PCLAF: variants seen among roughly 807,000 people sequenced by gnomAD.
PCLAF encodes PCNA clamp associated factor, also known as PCNA-associated factor.
A neutral mutation model predicts 15.1 loss-of-function variants in PCLAF; 12 were observed. The observed-to-expected ratio is 0.79, with a 90% CI of 0.51 to 1.29. The LOEUF is 1.29. Ranked by LOEUF, PCLAF falls within the 50% of genes most tolerant of loss-of-function variation. PCLAF has a pLI of 0.00. For missense variants in PCLAF, 116 were observed against 130.9 expected (o/e 0.89, Z 0.56); for synonymous variants, 33 against 47.1 (o/e 0.70, Z 1.22).
chr15:64,385,049 A>C (rs1291610502), upstream of PCLAF, among the ~76,000 whole-genome samples: 2 of 151,730 alleles, frequency 1.3e-5, no homozygotes. Context: ...CACCACACCT[A>C]GCTAATTTTT....
chr15:64,381,611 C>T (rs1269897713), upstream of PCLAF: 31 of 1,224,634 alleles, frequency 2.5e-5, no homozygotes, highest in Admixed American at 8.7e-5. Context: ...TCCATCAACA[C>T]GCAAAGGCCT....
chr15:64,374,925 A>T (rs150964660), intron 3 of PCLAF, among the ~76,000 whole-genome samples: 137 of 151,946 alleles, frequency 9.0e-4, no homozygotes, highest in Non-Finnish European at 1.3e-3. Context: ...AACGGATGAA[A>T]CTCGGAAACT....
intron 2 of PCLAF, among the ~76,000 whole-genome samples, chr15:64,377,385 T>G (rs958826028): frequency 4.1e-5 from 6 of 146,900 alleles, no homozygotes; most frequent in Non-Finnish European, 7.5e-5. Flanking sequence ...GAGAATCACT[T>G]GAACCAGCGA....
chr15:64,368,859 AT>A (rs1899160601), intron 3 of PCLAF, among the ~76,000 whole-genome samples: 1 of 152,162 alleles, frequency 6.6e-6, no homozygotes, highest in South Asian at 2.1e-4. Context: ...TTATAGTCAC[AT>A]TTGGCTATAT....
At chr15:64,381,244 G>A in intron 1 of PCLAF, 82 bp downstream of exon 1, 1 of 1,518,584 alleles carries the variant, frequency 6.6e-7, no homozygotes, top group Non-Finnish European at 9.1e-7. Context: ...CAGGGCCCAG[G>A]GGGACCTCTG....
intron 3 of PCLAF, among the ~76,000 whole-genome samples, chr15:64,371,388 C>A (rs1434477083): frequency 1.3e-5 from 2 of 152,062 alleles, no homozygotes; most frequent in Non-Finnish European, 2.9e-5. Context: ...GCTTCAGCCA[C>A]CTGAGTAGCT....
intron 3 of PCLAF, among the ~76,000 whole-genome samples, chr15:64,366,961 C>G (rs1899059289): frequency 6.7e-6 from 1 of 149,046 alleles, no homozygotes; most frequent in Non-Finnish European, 1.5e-5. Flanking sequence ...GGACAGAGAG[C>G]CTGTCTAAAA....
At chr15:64,381,637 C>T (rs1899826604), upstream of PCLAF, 2 of 890,594 alleles carry the variant, frequency 2.2e-6, no homozygotes, top group Non-Finnish European at 3.2e-6. Flanking sequence ...TCGTAGGCGC[C>T]CCAGGTGGGC....
intron 2 of PCLAF, among the ~76,000 whole-genome samples, chr15:64,379,482 A>G (rs1203488550): frequency 1.3e-5 from 2 of 148,638 alleles, no homozygotes; most frequent in Non-Finnish European, 3.0e-5. Flanking sequence ...CCCTGTCTCA[A>G]AAAAAAAAAA....
chr15:64,381,563 G>C (rs1204879785), upstream of PCLAF: 1 of 1,443,718 alleles, frequency 6.9e-7, no homozygotes, highest in Non-Finnish European at 9.2e-7. Flanking sequence ...CCAATGCCCA[G>C]TGGTGACAGC....
intron 1 of PCLAF, among the ~76,000 whole-genome samples, chr15:64,387,164 G>A (rs72758946): frequency 0.048 from 7,316 of 151,930 alleles, 234 homozygotes; most frequent in South Asian, 0.086. Flanking sequence ...ACTACAGGGG[G>A]TATTAAAAAT....
upstream of PCLAF, chr15:64,382,823 T>TA (rs965713567): frequency 7.1e-6 from 2 of 280,858 alleles, no homozygotes; most frequent in Admixed American, 8.8e-5. Flanking sequence ...AAAATAAAAA[T>TA]AAAAATAAAA....
intron 3 of PCLAF, among the ~76,000 whole-genome samples, chr15:64,369,398 T>TAA (rs758245627): frequency 7.6e-6 from 1 of 131,052 alleles, no homozygotes. Context: ...ATCCTGTCTC[T>TAA]AAAAAAAAAA....
At chr15:64,370,754 G>C (rs969439808) in intron 3 of PCLAF, among the ~76,000 whole-genome samples, 3 of 150,112 alleles carry the variant, frequency 2.0e-5, no homozygotes, top group African/African-American at 2.5e-5. Flanking sequence ...CTTATGCTTA[G>C]GCCCAGGCTC....
At chr15:64,372,375 G>T (rs1435097737) in intron 3 of PCLAF, among the ~76,000 whole-genome samples, 1 of 152,182 alleles carries the variant, frequency 6.6e-6, no homozygotes, top group East Asian at 1.9e-4. Flanking sequence ...AGCACTTTGG[G>T]AGGCCGAGGC....
chr15:64,384,014 C>T (rs1043791109), upstream of PCLAF, among the ~76,000 whole-genome samples: 3 of 151,548 alleles, frequency 2.0e-5, no homozygotes, highest in African/African-American at 7.3e-5. Flanking sequence ...CAATTAAACA[C>T]AATTTTTATA....
intron 2 of PCLAF, among the ~76,000 whole-genome samples, chr15:64,377,508 T>A (rs867442224): frequency 0.013 from 800 of 60,720 alleles, 110 homozygotes; most frequent in African/African-American, 0.025. Context: ...TATATATATA[T>A]ATATATATAT....
intron 3 of PCLAF, among the ~76,000 whole-genome samples, chr15:64,367,975 T>C (rs186871608): frequency 2.6e-5 from 4 of 152,136 alleles, no homozygotes; most frequent in Non-Finnish European, 4.4e-5. Flanking sequence ...TCAAATTAGA[T>C]CCAGCAATCC....
At chr15:64,378,015 C>G (rs1272865277) in intron 2 of PCLAF, among the ~76,000 whole-genome samples, 1 of 151,774 alleles carries the variant, frequency 6.6e-6, no homozygotes, top group Non-Finnish European at 1.5e-5. Flanking sequence ...ACTGCAAGCT[C>G]CGCCTCCCGG....
Sources: allele counts gnomAD v4.1 joint callset (sites outside exome capture counted in the v4.1 genomes callset), GRCh38; gene constraint gnomAD v4.1.1; transcripts MANE v1.5; gene names NCBI Gene and HGNC (gene_info 2026-07-23, HGNC 2026-07-21).